The following FRMD4A variants were observed in gnomAD, a reference collection of about 807,000 sequenced individuals.
The protein encoded by FRMD4A is FERM domain containing 4A.
FRMD4A carries 29 observed loss-of-function variants against 129.1 expected under a neutral mutation model. The ratio of observed to expected loss-of-function variants is 0.22; its 90% CI spans 0.17 to 0.31. The LOEUF (loss-of-function observed/expected upper bound fraction) is 0.31, where lower values mean the gene tolerates loss of function less well. FRMD4A is among the 10% of genes least tolerant of loss of function. The pLI is 1.00. For missense variants in FRMD4A, 1,272 were observed against 1,375.8 expected (o/e 0.92, Z 1.19); for synonymous variants, 634 against 571.6 (o/e 1.11, Z -1.56).
intron 2 of FRMD4A, among the ~76,000 whole-genome samples, chr10:14,063,561 T>A (rs201843969): frequency 6.8e-6 from 1 of 147,898 alleles, no homozygotes; most frequent in Non-Finnish European, 1.5e-5. Flanking sequence ...CTTTTCTCAT[T>A]AAAAAAAAAA....
intron 6 of FRMD4A, among the ~76,000 whole-genome samples, chr10:13,763,108 C>T (rs1390417505): frequency 1.3e-5 from 2 of 152,152 alleles, no homozygotes; most frequent in African/African-American, 4.8e-5. Context: ...CTCCCAACAT[C>T]GTTTTTACTG....
At chr10:14,063,801 TG>T (rs1408614871) in intron 2 of FRMD4A, among the ~76,000 whole-genome samples, 1 of 152,138 alleles carries the variant, frequency 6.6e-6, no homozygotes, top group Non-Finnish European at 1.5e-5. Flanking sequence ...GATTTCTATC[TG>T]CCTCAGTAAG....
At chr10:14,242,310 A>G (rs748056272) in intron 2 of FRMD4A, among the ~76,000 whole-genome samples, 20 of 152,208 alleles carry the variant, frequency 1.3e-4, no homozygotes, top group Non-Finnish European at 2.4e-4. Context: ...TGTTAGATCT[A>G]TCTAGTACAC....
intron 3 of FRMD4A, among the ~76,000 whole-genome samples, chr10:13,819,589 T>C (rs1275981055): frequency 6.6e-6 from 1 of 152,016 alleles, no homozygotes; most frequent in Non-Finnish European, 1.5e-5. Context: ...AAAACATATG[T>C]ACCCATCCCA....
chr10:13,948,098 G>T (rs538547804), intron 2 of FRMD4A, among the ~76,000 whole-genome samples: 4 of 150,838 alleles, frequency 2.7e-5, no homozygotes, highest in African/African-American at 7.3e-5. Context: ...GGATTTTCTT[G>T]TTATTGTGCA....
chr10:13,906,772 G>A (rs1441682569), intron 2 of FRMD4A, among the ~76,000 whole-genome samples: 1 of 152,130 alleles, frequency 6.6e-6, no homozygotes, highest in Non-Finnish European at 1.5e-5. Flanking sequence ...CCTGTCCTCT[G>A]AGTGCACCAA....
At chr10:14,016,045 T>C (rs2095698139) in intron 2 of FRMD4A, among the ~76,000 whole-genome samples, 1 of 152,202 alleles carries the variant, frequency 6.6e-6, no homozygotes, top group Admixed American at 6.5e-5. Flanking sequence ...GGAAGAGTTT[T>C]CTTTTGTTCC....
intron 2 of FRMD4A, among the ~76,000 whole-genome samples, chr10:13,955,661 G>A (rs1358921189): frequency 1.3e-5 from 2 of 152,240 alleles, no homozygotes; most frequent in African/African-American, 4.8e-5. Flanking sequence ...AATACCAGAA[G>A]TGGCGCCTGA....
intron 2 of FRMD4A, among the ~76,000 whole-genome samples, chr10:14,329,662 G>A (rs1359904038): frequency 6.6e-6 from 1 of 152,018 alleles, no homozygotes; most frequent in African/African-American, 2.4e-5. Flanking sequence ...TCACCCCATG[G>A]GCAACAGATT....
intron 2 of FRMD4A, among the ~76,000 whole-genome samples, chr10:14,202,744 A>G (rs1281046539): frequency 1.3e-5 from 2 of 151,814 alleles, no homozygotes; most frequent in Non-Finnish European, 2.9e-5. Context: ...ACATCACATA[A>G]CTGGATGTTC....
intron 9 of FRMD4A, among the ~76,000 whole-genome samples, chr10:13,747,423 G>C (rs2091348786): frequency 6.6e-6 from 1 of 151,452 alleles, no homozygotes; most frequent in African/African-American, 2.4e-5. Flanking sequence ...TGTAATCCCA[G>C]CTACTCAGGA....
At chr10:14,081,039 T>C (rs1033465967) in intron 2 of FRMD4A, among the ~76,000 whole-genome samples, 6 of 152,098 alleles carry the variant, frequency 3.9e-5, no homozygotes, top group Admixed American at 3.3e-4. Flanking sequence ...ATATAAAGAT[T>C]ACTCAGGTTG....
chr10:13,796,129 CA>C (rs1381368098), intron 5 of FRMD4A, among the ~76,000 whole-genome samples: 2 of 152,146 alleles, frequency 1.3e-5, no homozygotes, highest in African/African-American at 4.8e-5. Flanking sequence ...GGAAAGAATA[CA>C]AAGGCTTTTG....
intron 2 of FRMD4A, among the ~76,000 whole-genome samples, chr10:14,199,910 A>G (rs1338001997): frequency 6.6e-6 from 1 of 150,920 alleles, no homozygotes; most frequent in Non-Finnish European, 1.5e-5. Flanking sequence ...TTGTTGGCAA[A>G]TAATCATATA....
chr10:13,896,155 A>C (rs2094755627), intron 2 of FRMD4A, among the ~76,000 whole-genome samples: 2 of 152,344 alleles, frequency 1.3e-5, no homozygotes, highest in Middle Eastern at 3.4e-3. Context: ...TTGACCCAGC[A>C]ATCCCATTAC....
At chr10:14,185,572 A>G (rs558402284) in intron 2 of FRMD4A, among the ~76,000 whole-genome samples, 24 of 152,194 alleles carry the variant, frequency 1.6e-4, no homozygotes, top group Non-Finnish European at 2.8e-4. Context: ...TAAAGGTTCA[A>G]TCTCGTCTTG....
chr10:14,055,348 T>A (rs892899846), intron 2 of FRMD4A, among the ~76,000 whole-genome samples: 2 of 152,174 alleles, frequency 1.3e-5, no homozygotes, highest in Non-Finnish European at 2.9e-5. Flanking sequence ...ATGTTTCCCA[T>A]CAAGGCAGTA....
intron 8 of FRMD4A, among the ~76,000 whole-genome samples, chr10:13,751,254 T>G (rs1302794628): frequency 6.6e-6 from 1 of 152,132 alleles, no homozygotes; most frequent in African/African-American, 2.4e-5. Flanking sequence ...CAGGTTTGAT[T>G]TCCTCACTGA....
intron 2 of FRMD4A, among the ~76,000 whole-genome samples, chr10:14,302,895 G>A (rs541069456): frequency 6.6e-6 from 1 of 152,230 alleles, no homozygotes; most frequent in African/African-American, 2.4e-5. Flanking sequence ...CCAGAAAAGG[G>A]GGACTCTCAA....
Sources: allele counts gnomAD v4.1 joint callset (sites outside exome capture counted in the v4.1 genomes callset), GRCh38; gene constraint gnomAD v4.1.1; transcripts MANE v1.5; gene names NCBI Gene and HGNC (gene_info 2026-07-23, HGNC 2026-07-21).